Variants in KCTD1 observed in about 807,000 individuals in gnomAD.
KCTD1 encodes potassium channel tetramerization domain containing 1.
In KCTD1, 24 loss-of-function variants were observed where a neutral mutation model predicts 66.0. The ratio of observed to expected loss-of-function variants is 0.36; its 90% CI spans 0.26 to 0.51. The LOEUF (loss-of-function observed/expected upper bound fraction) is 0.51, where lower values mean the gene tolerates loss of function less well. Among genes scored for constraint, KCTD1 ranks in the 20% least tolerant of loss-of-function variants. The pLI, the probability that KCTD1 is intolerant of heterozygous loss-of-function variation, is 0.95. For synonymous variants in KCTD1, 511 were observed against 517.2 expected (o/e 0.99, Z 0.16); for missense variants, 943 against 1,205.2 (o/e 0.78, Z 3.22).
chr18:26,647,333 C>CCA (rs1555649520), intron 1 of KCTD1, among the ~76,000 whole-genome samples: 1 of 112,258 alleles, frequency 8.9e-6, no homozygotes, highest in Non-Finnish European at 2.2e-5. Flanking sequence ...ATAGTGAAAC[C>CCA]CCCCCCCCAT....
chr18:26,549,900 CTCCGGGCGCG>C, upstream of KCTD1: 1 of 735,124 alleles, frequency 1.4e-6, no homozygotes, highest in Non-Finnish European at 1.7e-6. Context: ...CGCGCCCAGG[CTCCGGGCGCG>C]TCCTTGCGTC....
intron 1 of KCTD1, among the ~76,000 whole-genome samples, chr18:26,560,256 C>T (rs1567994202): frequency 1.3e-5 from 2 of 151,782 alleles, no homozygotes; most frequent in Non-Finnish European, 2.9e-5. Context: ...ATTCTCACAA[C>T]AAAAAATATG....
At chr18:26,634,792 A>G (rs1046707470) in intron 1 of KCTD1, among the ~76,000 whole-genome samples, 7 of 152,172 alleles carry the variant, frequency 4.6e-5, no homozygotes, top group African/African-American at 1.7e-4. Flanking sequence ...AAAGCAGTAA[A>G]GCTTAATTGA....
intron 3 of KCTD1, among the ~76,000 whole-genome samples, chr18:26,471,044 A>G (rs1217910512): frequency 6.6e-6 from 1 of 152,048 alleles, no homozygotes; most frequent in African/African-American, 2.4e-5. Context: ...GAATGAATGG[A>G]AGAAGCCATG....
At chr18:26,600,299 G>C (rs73944644) in intron 1 of KCTD1, 1 of 1,600,270 alleles carries the variant, frequency 6.2e-7, no homozygotes, top group Admixed American at 1.7e-5. Context: ...TTCAAACCTG[G>C]GGAAAAGGCA....
In KCTD1 at chr18:26,455,463, A is replaced by C. The variant is rs1980013532; in HGVS notation, c.*280T>G. The C allele has an allele frequency of 5.5e-6, 1 of 181,214 alleles. No individual in the cohort carries two copies. The highest frequency in any genetic ancestry group is 2.4e-5 in the African/African-American group (1 of 41,544). The allele number at this position is 181,214 out of a possible 1,614,324, so 11.2% of individuals were successfully genotyped here. On this transcript the variant is annotated 3_prime_UTR_variant, in exon 5 of 5. Transcript: ENST00000580059. The stretch of plus-strand genomic sequence containing the variant: ...GCCCAGGACACTTCACGGCCATCAC[A>C]GCACCAACTGCGGCTGTCACCTTTT...
intron 1 of KCTD1, among the ~76,000 whole-genome samples, chr18:26,620,957 C>G (rs1004812943): frequency 6.6e-6 from 1 of 151,806 alleles, no homozygotes; most frequent in Admixed American, 6.6e-5. Flanking sequence ...CTCAGCCTCC[C>G]GAGTAGCTGG....
chr18:26,532,261 C>CTTTTTTTTTTTTTTTTTTTTTTTTTTTTT (rs533359603), intron 1 of KCTD1, among the ~76,000 whole-genome samples: 5 of 29,560 alleles, frequency 1.7e-4, no homozygotes, highest in African/African-American at 3.2e-4. Flanking sequence ...TTCTTTCCTT[C>CTTTTTTTTTTTTTTTTTTTTTTTTTTTTT]TTTTTTTTTT....
At chr18:26,598,243 C>T (rs1598959832) in intron 1 of KCTD1, among the ~76,000 whole-genome samples, 3 of 152,110 alleles carry the variant, frequency 2.0e-5, no homozygotes, top group South Asian at 2.1e-4. Context: ...GAAGTTAGCT[C>T]GTTTACAAGG....
Position 26,636,667 on chromosome 18 carries a change from C to T in KCTD1, c.-107+3644G>A, listed in dbSNP as rs143074634. On this transcript the variant is annotated intron_variant, in intron 1 of 5. Coordinates refer to the KCTD1 transcript ENST00000579973. Reference sequence around the variant, plus strand: ...CTGAGCGTTGGGGTCATTGGATGCCCTCAGGACTTCACACTCACATGATCA... The same window carrying T: ...CTGAGCGTTGGGGTCATTGGATGCCTTCAGGACTTCACACTCACATGATCA... Among the ~76,000 whole-genome samples the T allele has an allele frequency of 1.4e-4, 21 of 152,332 alleles. No homozygotes were observed. In the East Asian group the frequency reaches 4.1e-3, roughly 29 times the overall value.
chr18:26,589,803 T>C (rs1986556069), intron 1 of KCTD1, among the ~76,000 whole-genome samples: 1 of 152,160 alleles, frequency 6.6e-6, no homozygotes, highest in African/African-American at 2.4e-5. Context: ...AAGGCAATTC[T>C]GGCCAGTGAG....
chr18:26,492,392 G>A (rs1282714019), intron 2 of KCTD1, among the ~76,000 whole-genome samples: 1 of 152,038 alleles, frequency 6.6e-6, no homozygotes, highest in Admixed American at 6.6e-5. Flanking sequence ...CCAGCACTTT[G>A]GGAGGCTAAG....
intron 2 of KCTD1, among the ~76,000 whole-genome samples, chr18:26,489,867 G>GT (rs1476523329): frequency 6.6e-6 from 1 of 152,164 alleles, no homozygotes; most frequent in Non-Finnish European, 1.5e-5. Context: ...TGTTAACGTT[G>GT]TAAGAGATTA....
intron 1 of KCTD1, among the ~76,000 whole-genome samples, chr18:26,613,021 A>G (rs1987170003): frequency 6.6e-6 from 1 of 152,134 alleles, no homozygotes; most frequent in Non-Finnish European, 1.5e-5. Context: ...TCTGGGGACT[A>G]TGTTTCAGTT....
Position 26,538,162 on chromosome 18 carries a change from G to A in KCTD1, c.1809+8566C>T, listed in dbSNP as rs566482010. ...CTCAGGAGGCTGAGGCAGAAGAATC[G>A]CTTGAACCCAGGAGGCGGAGGCTGC... On this transcript the variant is annotated intron_variant, in intron 1 of 4. Transcript: ENST00000580059. Among the ~76,000 whole-genome samples the A allele has an allele frequency of 1.7e-4, 26 of 152,168 alleles. No individual in the cohort carries two copies. The South Asian group carries it at 4.8e-3, about 28-fold the overall frequency.
At chr18:26,656,802 GC>G (rs1405707578) in intron 1 of KCTD1, among the ~76,000 whole-genome samples, 1 of 149,306 alleles carries the variant, frequency 6.7e-6, no homozygotes, top group Non-Finnish European at 1.5e-5. Context: ...GGCTCTGGGC[GC>G]CCCCGCGGCG....
At chr18:26,535,015 G>A (rs1041100890) in intron 1 of KCTD1, among the ~76,000 whole-genome samples, 2 of 150,124 alleles carry the variant, frequency 1.3e-5, no homozygotes, top group Non-Finnish European at 2.9e-5. Context: ...AAGAAGTCAG[G>A]TGACTCCAAG....
rs1022341816 is a variant in KCTD1, at chr18:26,547,016, C to T, written c.1521G>A (p.Pro507=). The T allele has an allele frequency of 2.0e-6, 2 of 1,002,996 alleles. No homozygotes were observed. Among genetic ancestry groups the T allele is most frequent in the Non-Finnish European group, 2.5e-6 (2 of 816,180 alleles). 62.1% of individuals were successfully genotyped at this position (1,002,996 alleles called of 1,614,324 possible). A position where few individuals can be genotyped will look rare whatever the true frequency, so the allele number is the denominator to read the frequency against. ...THPSHHHRPQ[P]PSLGNTYILP... Reference sequence around the variant, plus strand: ...GGATGTAAGTGTTCCCCAGCGAGGGCGGCTGGGGGCGGTGGTGGTGGGAGG... The same window carrying T: ...GGATGTAAGTGTTCCCCAGCGAGGGTGGCTGGGGGCGGTGGTGGTGGGAGG... The change falls in exon 1 of 5, where the codon CCG becomes CCA. Residue 507 remains proline, a synonymous_variant. Transcript: ENST00000580059.
upstream of KCTD1, among the ~76,000 whole-genome samples, chr18:26,550,592 AC>A (rs1474596308): frequency 6.6e-6 from 1 of 151,544 alleles, no homozygotes; most frequent in Non-Finnish European, 1.5e-5. This position sits in a 1 kb window ranked among gnomAD's most constrained non-coding sequence, Gnocchi z 5.4. Flanking sequence ...ACACACACAC[AC>A]ACACACACAC....
Sources: allele counts gnomAD v4.1 joint callset (sites outside exome capture counted in the v4.1 genomes callset), GRCh38; gene constraint gnomAD v4.1.1; non-coding constraint Gnocchi (gnomAD v3.1); transcripts MANE v1.5; gene names NCBI Gene and HGNC (gene_info 2026-07-23, HGNC 2026-07-21).